The following FGF23 variants were observed in gnomAD, a reference collection of about 807,000 sequenced individuals.
FGF23 encodes the protein fibroblast growth factor 23.
Under a neutral mutation model 9.0 loss-of-function variants are expected in FGF23, and 8 were observed. The observed-to-expected ratio is 0.89, with a 90% CI of 0.52 to 1.60. The LOEUF (loss-of-function observed/expected upper bound fraction) is 1.60, where lower values mean the gene tolerates loss of function less well. Ranked by LOEUF, FGF23 falls within the 40% of genes most tolerant of loss-of-function variation. The probability of loss-of-function intolerance (pLI) is 0.00; values close to 1 mark genes in which losing one functional copy is unlikely to be tolerated. For synonymous variants in FGF23, 118 were observed against 146.2 expected (o/e 0.81, Z 1.39); for missense variants, 311 against 344.3 (o/e 0.90, Z 0.77).
chr12:4,369,656 T>C lies in FGF23; in HGVS notation c.*687A>G, dbSNP rs1471097488. ...ACAGCGAGACAGAAGGTGCTCACCCTGTAGGGAGGCTGAGTTTTCTATTAT... is the reference window on the plus strand; with the variant it reads ...ACAGCGAGACAGAAGGTGCTCACCCCGTAGGGAGGCTGAGTTTTCTATTAT... On this transcript the variant is annotated 3_prime_UTR_variant, in exon 3 of 3. Transcript: ENST00000237837. The C allele has an allele frequency of 8.7e-6, 2 of 229,368 alleles. No homozygotes were observed. The highest frequency in any genetic ancestry group is 1.7e-5 in the Non-Finnish European group (2 of 115,732). The allele number at this position is 229,368 out of a possible 1,614,324, so 14.2% of individuals were successfully genotyped here. A position where few individuals can be genotyped will look rare whatever the true frequency, so the allele number is the denominator to read the frequency against.
intron 1 of FGF23, among the ~76,000 whole-genome samples, chr12:4,377,944 C>G (rs1178353276): frequency 1.3e-5 from 2 of 152,182 alleles, no homozygotes; most frequent in African/African-American, 4.8e-5. Flanking sequence ...ATGAACAACA[C>G]TTCGGGTGCA....
chr12:4,370,208 G>T lies in FGF23; in HGVS notation c.*135C>A. The stretch of plus-strand genomic sequence containing the variant: ...GGTTCTCACAGGACCTCCTGTGGAA[G>T]GGACCCCAGAGAAGCAGCAAATTCC... On this transcript the variant is annotated 3_prime_UTR_variant, in exon 3 of 3. Transcript: ENST00000237837. The T allele has an allele frequency of 1.1e-6, 1 of 878,332 alleles. No individual in the cohort carries two copies. The highest frequency in any genetic ancestry group is 2.5e-5 in the East Asian group (1 of 40,614). The allele number at this position is 878,332 out of a possible 1,614,324, so 54.4% of individuals were successfully genotyped here. A position where few individuals can be genotyped will look rare whatever the true frequency, so the allele number is the denominator to read the frequency against.
chr12:4,372,568 G>A, intron 2 of FGF23, 26 bp downstream of exon 2: 1 of 1,361,892 alleles, frequency 7.3e-7, no homozygotes, highest in Non-Finnish European at 1.1e-6. Flanking sequence ...TTTGCAAATG[G>A]TGACCAACAC....
Position 4,369,106 on chromosome 12 carries a change from G to A in FGF23, c.*1237C>T, listed in dbSNP as rs1007587307. On this transcript the variant is annotated 3_prime_UTR_variant, in exon 3 of 3. Coordinates refer to ENST00000237837, the MANE Select transcript of FGF23 (RefSeq NM_020638.3). ...TTTAATGCACCAAGAATTTCCAAGG[G>A]GATTGAGACCCAGATGTGTCAGCCT... is the stretch of plus-strand genomic sequence containing the variant. 4.4e-6 allele frequency: 1 copy of A among 229,880 alleles called. No individual in the cohort carries two copies. The highest frequency in any genetic ancestry group is 8.6e-6 in the Non-Finnish European group (1 of 116,116). The allele number at this position is 229,880 out of a possible 1,614,324, so 14.2% of individuals were successfully genotyped here. A position where few individuals can be genotyped will look rare whatever the true frequency, so the allele number is the denominator to read the frequency against.
At position 4,379,684 on chromosome 12, in the gene FGF23, G is replaced by T; in HGVS notation, c.-102C>A. 1.0e-6 allele frequency: 1 copy of T among 998,542 alleles called. No homozygotes were observed. Among genetic ancestry groups the T allele is most frequent in the Non-Finnish European group, 1.5e-6 (1 of 657,716 alleles). 61.9% of individuals were successfully genotyped at this position (998,542 alleles called of 1,614,324 possible). A position where few individuals can be genotyped will look rare whatever the true frequency, so the allele number is the denominator to read the frequency against. The stretch of plus-strand genomic sequence containing the variant: ...CTGGCCTTTTCCTTCTCCCTTGCAA[G>T]TAGCTGGTGTGAGGATCCTAGACTG... On this transcript the variant is annotated 5_prime_UTR_variant, in exon 1 of 3. Transcript: ENST00000237837.
chr12:4,368,345 C>A lies in FGF23; in HGVS notation c.*1998G>T. On this transcript the variant is annotated 3_prime_UTR_variant, in exon 3 of 3. Coordinates refer to ENST00000237837, the MANE Select transcript of FGF23 (RefSeq NM_020638.3). The stretch of plus-strand genomic sequence containing the variant: ...TTTTAAAATTCTAAAATCTTTTTTT[C>A]AATTTTGCCTTCTCTGGATTTCCCT... 5.6e-6 allele frequency: 1 copy of A among 178,702 alleles called. No homozygotes were observed. The highest frequency in any genetic ancestry group is 2.1e-3 in the Middle Eastern group (1 of 468). 11.1% of individuals were successfully genotyped at this position (178,702 alleles called of 1,614,324 possible). A position where few individuals can be genotyped will look rare whatever the true frequency, so the allele number is the denominator to read the frequency against.
At chr12:4,375,353 A>G (rs1487710496) in intron 1 of FGF23, among the ~76,000 whole-genome samples, 1 of 152,194 alleles carries the variant, frequency 6.6e-6, no homozygotes, top group Non-Finnish European at 1.5e-5. Context: ...CCCCCTAGAA[A>G]ACATCCGGCG....
At chr12:4,370,862 G>A (rs536146214) in intron 2 of FGF23, 79 bp from the exon 3 acceptor site, 9 of 1,187,092 alleles carry the variant, frequency 7.6e-6, no homozygotes, top group African/African-American at 1.5e-5. Context: ...GGGGCCACAT[G>A]CTTGTGCCAG....
At chr12:4,379,341 C>T in intron 1 of FGF23, 31 bp downstream of exon 1, 1 of 1,586,048 alleles carries the variant, frequency 6.3e-7, no homozygotes, top group South Asian at 1.1e-5. Flanking sequence ...CAAGGGTGCT[C>T]CCCTTCTTCC....
chr12:4,370,439 G>A lies in FGF23; in HGVS notation c.660C>T (p.Ala220=). Residue 220 remains alanine, a synonymous_variant, in exon 3 of 3, where the codon GCC becomes GCT. Transcript: ENST00000237837. ...CCCTGACCACCCCTAATGGGTCACT[G>A]GCCATCGGGCTGTTGTCCTCGGCGC... is the stretch of plus-strand genomic sequence containing the variant. The part of the protein sequence containing the change: ...LPSAEDNSPM[A]SDPLGVVRGG... 6.2e-7 allele frequency: 1 copy of A among 1,613,616 alleles called. No homozygotes were observed. The highest frequency in any genetic ancestry group is 1.1e-5 in the South Asian group (1 of 91,078).
intron 2 of FGF23, among the ~76,000 whole-genome samples, chr12:4,371,997 TA>T (rs1248871670): frequency 6.6e-6 from 1 of 151,588 alleles, no homozygotes; most frequent in African/African-American, 2.4e-5. Flanking sequence ...TATGCAGCCA[TA>T]AAAAATGATG....
intron 2 of FGF23, among the ~76,000 whole-genome samples, chr12:4,371,196 C>T (rs541875631): frequency 2.6e-5 from 4 of 152,266 alleles, no homozygotes; most frequent in African/African-American, 9.6e-5. Context: ...AGAGCACTGA[C>T]GGGATTGGAG....
intron 2 of FGF23, 125 bp downstream of exon 2, chr12:4,372,469 A>G (rs1402838133): frequency 1.4e-6 from 1 of 714,862 alleles, no homozygotes; most frequent in African/African-American, 1.7e-5. Flanking sequence ...TGCATGAAGT[A>G]TCAGTGGAAA....
rs115283398 is a variant in FGF23 at position 4,370,544 on chromosome 12, C to T, written c.555G>A (p.Ser185=). 61 of 1,613,202 alleles carry T rather than the reference C, an allele frequency of 3.8e-5. 2 individuals carry two copies. The highest frequency in any genetic ancestry group is 1.6e-4 in the Middle Eastern group (1 of 6,082). The stretch of plus-strand genomic sequence containing the variant: ...TCAGCACGTTCAGGGGGTCCCGCTC[C>T]GAGTCGTCCTCGGCGCTCCGGGTGT... ...RRHTRSAEDD[S]ERDPLNVLKP... The change falls in exon 3 of 3, where the codon TCG becomes TCA. Residue 185 remains serine, a synonymous_variant. Transcript: ENST00000237837.
At position 4,370,134 on chromosome 12, in the gene FGF23, T is replaced by C. The variant is rs1389671662; in HGVS notation, c.*209A>G. The C allele has an allele frequency of 6.8e-6, 4 of 592,124 alleles. No individual in the cohort carries two copies. The Admixed American group carries it at 8.8e-5, about 13-fold the overall frequency. The allele number at this position is 592,124 out of a possible 1,614,324, so 36.7% of individuals were successfully genotyped here. ...GTTTCCTATTGGGAAAGGTGTTCTA[T>C]ATGGAGTGAGGAAGGCGGTGAAACC... On this transcript the variant is annotated 3_prime_UTR_variant, in exon 3 of 3. Coordinates refer to ENST00000237837, the MANE Select transcript of FGF23 (RefSeq NM_020638.3).
Position 4,370,269 on chromosome 12 carries a change from G to T in FGF23, c.*74C>A. The T allele has an allele frequency of 6.9e-7, 1 of 1,445,314 alleles. No homozygotes were observed. 89.5% of individuals were successfully genotyped at this position (1,445,314 alleles called of 1,614,324 possible). The stretch of plus-strand genomic sequence containing the variant: ...CTGTCACCTTTCCCATCCTCGGAAC[G>T]TCAAGGGACCTGGTCCTTGGGAAGA... On this transcript the variant is annotated 3_prime_UTR_variant, in exon 3 of 3. Coordinates refer to ENST00000237837, the MANE Select transcript of FGF23 (RefSeq NM_020638.3).
chr12:4,370,507 G>C lies in FGF23; in HGVS notation c.592C>G (p.Arg198Gly). 6.2e-7 allele frequency: 1 copy of C among 1,611,386 alleles called. No homozygotes were observed. Among genetic ancestry groups the C allele is most frequent in the East Asian group, 2.2e-5 (1 of 44,774 alleles). ...CAGGAGGCCGGGGCCGGGGTCATCC[G>C]GGCCCGGGGCTTCAGCACGTTCAGG... ...DPLNVLKPRA[R>G]MTPAPASCSQ... Residue 198 changes from arginine to glycine, a missense_variant, in exon 3 of 3, where the codon CGG becomes GGG. Arg to Gly is a moderately radical substitution (Grantham distance 125, BLOSUM62 -2). This residue lies in a region of FGF23 where 206 missense variants were observed against 219.2 expected (regional missense o/e 0.94). Transcript: ENST00000237837.
intron 1 of FGF23, among the ~76,000 whole-genome samples, chr12:4,374,351 G>A (rs1292025040): frequency 4.6e-5 from 7 of 151,544 alleles, no homozygotes; most frequent in East Asian, 1.9e-4. Context: ...TATAAGGAAC[G>A]TGTAAGAAAT....
At position 4,370,136 on chromosome 12, in the gene FGF23, T is replaced by G; in HGVS notation, c.*207A>C. Reference sequence around the variant, plus strand: ...TTCCTATTGGGAAAGGTGTTCTATATGGAGTGAGGAAGGCGGTGAAACCCC... The same window carrying G: ...TTCCTATTGGGAAAGGTGTTCTATAGGGAGTGAGGAAGGCGGTGAAACCCC... On this transcript the variant is annotated 3_prime_UTR_variant, in exon 3 of 3. Coordinates refer to ENST00000237837, the MANE Select transcript of FGF23 (RefSeq NM_020638.3). The G allele has an allele frequency of 1.7e-6, 1 of 593,526 alleles. No homozygotes were observed. The highest frequency in any genetic ancestry group is 3.0e-6 in the Non-Finnish European group (1 of 332,212). 36.8% of individuals were successfully genotyped at this position (593,526 alleles called of 1,614,324 possible). A position where few individuals can be genotyped will look rare whatever the true frequency, so the allele number is the denominator to read the frequency against.
Sources: allele counts gnomAD v4.1 joint callset (sites outside exome capture counted in the v4.1 genomes callset), GRCh38; gene constraint gnomAD v4.1.1; regional missense constraint gnomAD v4.1.1; transcripts MANE v1.5; gene names NCBI Gene and HGNC (gene_info 2026-07-23, HGNC 2026-07-21).